VIPR1: variants seen among roughly 807,000 people sequenced by gnomAD.
The protein encoded by VIPR1 is vasoactive intestinal polypeptide receptor 1.
VIPR1 carries 59 observed loss-of-function variants against 58.8 expected under a neutral mutation model. That is an observed-to-expected ratio of 1.00 (90% CI 0.81 to 1.25). VIPR1 has a LOEUF of 1.25. VIPR1 is among the 50% of genes most tolerant of loss of function. The probability of loss-of-function intolerance (pLI) is 0.00; values close to 1 mark genes in which losing one functional copy is unlikely to be tolerated. For synonymous variants in VIPR1, 251 were observed against 242.1 expected, an observed-to-expected ratio of 1.04 and a Z score of -0.34; for missense variants, 626 against 602.7, an observed-to-expected ratio of 1.04 and a Z score of -0.40.
rs530374810 is a variant in VIPR1 at position 42,535,213 on chromosome 3, T to G, written c.1140+109T>G. On this transcript the variant is annotated intron_variant, in intron 11 of 12. Coordinates refer to ENST00000325123, the MANE Select transcript of VIPR1 (RefSeq NM_004624.4). Reference sequence around the variant, plus strand: ...CCAACCTTTTTACTGTAATAAGTATTAGATAAGCACCTACTTTGTGCTTAG... The same window carrying G: ...CCAACCTTTTTACTGTAATAAGTATGAGATAAGCACCTACTTTGTGCTTAG... 28 of 1,598,722 alleles carry G rather than the reference T, an allele frequency of 1.8e-5. No individual in the cohort carries two copies. The African/African-American group carries it at 3.5e-4, about 20-fold the overall frequency.
Position 42,532,269 on chromosome 3 carries a change from A to G in VIPR1, c.946A>G (p.Ile316Val), listed in dbSNP as rs1230641433. The G allele has an allele frequency of 6.2e-7, 1 of 1,614,134 alleles. No individual in the cohort carries two copies. The highest frequency in any genetic ancestry group is 1.1e-5 in the South Asian group (1 of 91,072). Residue 316 changes from isoleucine (I) to valine (V), a missense_variant, in exon 10 of 13, where the codon ATC (isoleucine) becomes GTC (valine). Transcript: ENST00000325123. ...AAACTTCATCCTGTTTATTTGCATC[A>G]TCCGAATCCTGCTTCAGAAACTGCG... ...LVNFILFICI[I>V]RILLQKLRPP...
chr3:42,506,871 T>A (rs909442680), intron 1 of VIPR1: 2 of 151,994 alleles, frequency 1.3e-5, no homozygotes, highest in East Asian at 4.1e-4. Flanking sequence ...GTTTAATCTC[T>A]CCACCACGTG....
At chr3:42,519,831 G>C (rs1010008878) in intron 3 of VIPR1, among the ~76,000 whole-genome samples, 2 of 152,206 alleles carry the variant, frequency 1.3e-5, no homozygotes, top group Non-Finnish European at 2.9e-5. Flanking sequence ...TATAGATTCA[G>C]TCATTCTTTT....
intron 6 of VIPR1, chr3:42,529,614 C>T (rs1011713058): frequency 6.6e-6 from 1 of 152,184 alleles, no homozygotes; most frequent in Non-Finnish European, 1.5e-5. Flanking sequence ...GGAGGCTTCT[C>T]TCTGAGGATG....
At chr3:42,522,908 G>A (rs1260082753) in intron 3 of VIPR1, among the ~76,000 whole-genome samples, 1 of 152,208 alleles carries the variant, frequency 6.6e-6, no homozygotes, top group African/African-American at 2.4e-5. Flanking sequence ...AGTGGGAGGA[G>A]ACTGGAAGAA....
chr3:42,527,374 C>G lies in VIPR1; in HGVS notation c.400-19C>G. On this transcript the variant is annotated intron_variant, in intron 4 of 12. Transcript: ENST00000325123. ...CTCCCACCCCACCACCCAAGAGCCT[C>G]TCCCTGTCCCTCCAACAGCAGCAGA... 2 of 1,612,060 alleles carry G rather than the reference C, an allele frequency of 1.2e-6. No homozygotes were observed. The highest frequency in any genetic ancestry group is 1.7e-6 in the Non-Finnish European group (2 of 1,178,468).
rs1056523929 is a variant in VIPR1, at chr3:42,536,358, C to A, written c.*77C>A. 7 of 1,417,700 alleles carry A rather than the reference C, an allele frequency of 4.9e-6. No individual in the cohort carries two copies. In the African/African-American group the frequency reaches 7.4e-5, roughly 15 times the overall value. The allele number at this position is 1,417,700 out of a possible 1,614,324, so 87.8% of individuals were successfully genotyped here. A position where few individuals can be genotyped will look rare whatever the true frequency, so the allele number is the denominator to read the frequency against. On this transcript the variant is annotated 3_prime_UTR_variant, in exon 13 of 13. Transcript: ENST00000325123. Reference sequence around the variant, plus strand: ...CCCCGGCAGACGCCGGGGACAGAGGCCTGCCCGGGCGCGGCCAGCCCCGGC... The same window carrying A: ...CCCCGGCAGACGCCGGGGACAGAGGACTGCCCGGGCGCGGCCAGCCCCGGC...
chr3:42,493,793 G>C (rs1699708835), intron 1 of VIPR1, among the ~76,000 whole-genome samples: 1 of 152,218 alleles, frequency 6.6e-6, no homozygotes, highest in Non-Finnish European at 1.5e-5. Flanking sequence ...GTTTCTTCAG[G>C]GTCCTGAGGT....
intron 1 of VIPR1, chr3:42,509,108 A>G (rs543458090): frequency 6.6e-6 from 1 of 152,338 alleles, no homozygotes; most frequent in South Asian, 2.1e-4. Flanking sequence ...CCCTCTTGAC[A>G]AACCTCAGAA....
At position 42,495,282 on chromosome 3, in the gene VIPR1, C is replaced by G. The variant is rs145458663; in HGVS notation, c.-245+5604C>G. Among the ~76,000 whole-genome samples, 1,119 of 151,708 alleles carry G rather than the reference C, an allele frequency of 7.4e-3. 10 individuals carry two copies. Among genetic ancestry groups the G allele is most frequent in the Non-Finnish European group, 0.01 (692 of 67,894 alleles). On this transcript the variant is annotated intron_variant, in intron 1 of 13. Coordinates refer to the VIPR1 transcript ENST00000433647. ...GACTATAGGCGCCCACCACCACTCC[C>G]GGCTAAATTTTTTTATTTTTAGTAG... is the stretch of plus-strand genomic sequence containing the variant.
chr3:42,525,141 G>A (rs901379914), intron 3 of VIPR1, among the ~76,000 whole-genome samples: 7 of 151,986 alleles, frequency 4.6e-5, no homozygotes, highest in Admixed American at 2.6e-4. Context: ...CCTCTCTGGG[G>A]AGAGGACACC....
At chr3:42,516,011 G>A (rs1176391968) in intron 2 of VIPR1, among the ~76,000 whole-genome samples, 2 of 152,188 alleles carry the variant, frequency 1.3e-5, no homozygotes, top group Non-Finnish European at 2.9e-5. Context: ...TCAGGTAAGT[G>A]TACATGTGTG....
At chr3:42,500,062 C>T (rs776794687), upstream of VIPR1, 9 of 152,168 alleles carry the variant, frequency 5.9e-5, no homozygotes, top group Non-Finnish European at 1.2e-4. Flanking sequence ...GGGTGGATCC[C>T]CCAGGAGAAC....
At chr3:42,522,757 G>T (rs977696700) in intron 3 of VIPR1, among the ~76,000 whole-genome samples, 2 of 152,184 alleles carry the variant, frequency 1.3e-5, no homozygotes, top group African/African-American at 4.8e-5. Context: ...TGGTGGTGCT[G>T]GGGAAGAAGC....
At chr3:42,498,958 C>T (rs769040558), upstream of VIPR1, among the ~76,000 whole-genome samples, 7 of 152,240 alleles carry the variant, frequency 4.6e-5, no homozygotes, top group Non-Finnish European at 2.9e-5. Context: ...CATCTTCTCA[C>T]AGGAAGAACT....
chr3:42,522,101 A>ATATATAT (rs1419353370), intron 3 of VIPR1, among the ~76,000 whole-genome samples: 15 of 35,362 alleles, frequency 4.2e-4, no homozygotes, highest in Non-Finnish European at 6.0e-4. Context: ...ATATATATAT[A>ATATATAT]TTTTTTTTTT....
rs565230261 is a variant in VIPR1, at chr3:42,490,060, C to T, written c.-245+382C>T. Among the ~76,000 whole-genome samples, 129 of 152,180 alleles carry T rather than the reference C, an allele frequency of 8.5e-4. 2 individuals are homozygous for T. Among genetic ancestry groups the T allele is most frequent in the Admixed American group, 1.4e-3 (22 of 15,288 alleles). On this transcript the variant is annotated intron_variant, in intron 1 of 13. Coordinates refer to the VIPR1 transcript ENST00000433647. ...TCTGCCTGCAGTCTCCACTCACACC[C>T]TACCTCATTCCTACAAGAGACTCTG...
At chr3:42,513,536 A>G in intron 1 of VIPR1, 1 of 527,194 alleles carries the variant, frequency 1.9e-6, no homozygotes, top group Non-Finnish European at 3.4e-6. Context: ...AGCCATCAAG[A>G]AGCTGTGGCA....
At chr3:42,532,914 G>A (rs1335206759) in intron 10 of VIPR1, 1 of 158,076 alleles carries the variant, frequency 6.3e-6, no homozygotes, top group Non-Finnish European at 1.4e-5. Flanking sequence ...TTCTCCTTGA[G>A]GGTTTTGGAG....
Sources: allele counts gnomAD v4.1 joint callset (sites outside exome capture counted in the v4.1 genomes callset), GRCh38; gene constraint gnomAD v4.1.1; transcripts MANE v1.5; gene names NCBI Gene and HGNC (gene_info 2026-07-23, HGNC 2026-07-21).